Variants in POFUT3 observed in about 807,000 individuals in gnomAD.
POFUT3 encodes the protein GDP-fucose protein O-fucosyltransferase 3.
At chr8:33,311,059 T>C in the POFUT3 span, among the ~76,000 whole-genome samples, 1 of 152,334 alleles carries the variant, frequency 6.6e-6, no homozygotes, top group African/African-American at 2.4e-5. Context: ...GGAAAACATA[T>C]CCTTGATAAT....
the POFUT3 span, among the ~76,000 whole-genome samples, chr8:33,449,393 G>A: frequency 8.0e-5 from 11 of 136,954 alleles, no homozygotes; most frequent in South Asian, 4.9e-4. Flanking sequence ...AGGTTTAAGC[G>A]ATTCTTGTGC....
the POFUT3 span, among the ~76,000 whole-genome samples, chr8:33,309,683 C>T: frequency 2.1e-3 from 312 of 152,150 alleles, no homozygotes; most frequent in Middle Eastern, 0.017. Context: ...TGTTCCCAGG[C>T]GCTTAGTCAG....
the POFUT3 span, among the ~76,000 whole-genome samples, chr8:33,413,338 T>C: frequency 6.6e-6 from 1 of 151,976 alleles, no homozygotes; most frequent in African/African-American, 2.4e-5. Flanking sequence ...TCTCGGGCGC[T>C]CACTTGCTTG....
the POFUT3 span, among the ~76,000 whole-genome samples, chr8:33,441,786 C>T: frequency 2.6e-5 from 4 of 152,212 alleles, no homozygotes; most frequent in African/African-American, 9.6e-5. Flanking sequence ...TGGAGCTGCA[C>T]GCACATCTCA....
At chr8:33,450,362 T>G in the POFUT3 span, among the ~76,000 whole-genome samples, 1 of 152,234 alleles carries the variant, frequency 6.6e-6, no homozygotes, top group Non-Finnish European at 1.5e-5. Flanking sequence ...TACAGTTGGG[T>G]CATATCTTTT....
the POFUT3 span, among the ~76,000 whole-genome samples, chr8:33,332,249 C>T: frequency 6.7e-6 from 1 of 149,290 alleles, no homozygotes; most frequent in South Asian, 2.1e-4. Context: ...TTTGGGAGGC[C>T]GAGGCGGGCA....
the POFUT3 span, among the ~76,000 whole-genome samples, chr8:33,456,984 T>C: frequency 6.6e-6 from 1 of 152,014 alleles, no homozygotes; most frequent in Non-Finnish European, 1.5e-5. Flanking sequence ...CTGGCCAGGA[T>C]GGTCTCAATC....
At chr8:33,446,157 C>T in the POFUT3 span, among the ~76,000 whole-genome samples, 2 of 151,990 alleles carry the variant, frequency 1.3e-5, no homozygotes, top group Non-Finnish European at 2.9e-5. Context: ...CTGGGGAATG[C>T]AAAAAGATAC....
At chr8:33,463,341 C>T in the POFUT3 span, among the ~76,000 whole-genome samples, 2 of 151,986 alleles carry the variant, frequency 1.3e-5, no homozygotes, top group Non-Finnish European at 2.9e-5. Context: ...CCCGTCTCTA[C>T]TACAAATACA....
chr8:33,411,647 G>T, the POFUT3 span, among the ~76,000 whole-genome samples: 1 of 152,118 alleles, frequency 6.6e-6, no homozygotes, highest in African/African-American at 2.4e-5. Context: ...AATTAGCCAG[G>T]TGTGGGTGAC....
At chr8:33,372,583 C>T in the POFUT3 span, 1 of 1,613,262 alleles carries the variant, frequency 6.2e-7, no homozygotes, top group South Asian at 1.1e-5. Flanking sequence ...GAAATCAGTC[C>T]TTGAATACTA....
the POFUT3 span, among the ~76,000 whole-genome samples, chr8:33,404,199 G>A: frequency 7.9e-5 from 12 of 152,230 alleles, no homozygotes; most frequent in East Asian, 1.5e-3. Flanking sequence ...TTACTCAGGT[G>A]TGGTGGTGCA....
chr8:33,403,713 G>T, the POFUT3 span, among the ~76,000 whole-genome samples: 8 of 152,032 alleles, frequency 5.3e-5, no homozygotes, highest in Non-Finnish European at 1.2e-4. Context: ...GAGAGTGAGA[G>T]CCTGTCTTTT....
chr8:33,345,546 G>A, the POFUT3 span, among the ~76,000 whole-genome samples: 4 of 151,822 alleles, frequency 2.6e-5, no homozygotes, highest in South Asian at 4.2e-4. Context: ...GATTATAGGC[G>A]CCTGCCACCA....
chr8:33,448,077 C>G, the POFUT3 span, among the ~76,000 whole-genome samples: 2 of 152,156 alleles, frequency 1.3e-5, no homozygotes, highest in South Asian at 4.1e-4. Flanking sequence ...CAGTGGCTCA[C>G]ACCTGTAATC....
the POFUT3 span, among the ~76,000 whole-genome samples, chr8:33,381,371 A>G: frequency 2.6e-5 from 4 of 152,168 alleles, no homozygotes; most frequent in African/African-American, 4.8e-5. Flanking sequence ...CTAACTTAAA[A>G]AGAAATCCAA....
the POFUT3 span, among the ~76,000 whole-genome samples, chr8:33,323,864 T>A: frequency 6.6e-6 from 1 of 152,200 alleles, no homozygotes; most frequent in Non-Finnish European, 1.5e-5. Flanking sequence ...ATGGATAAGT[T>A]CTCACCCCTC....
chr8:33,444,539 C>T, the POFUT3 span, among the ~76,000 whole-genome samples: 2 of 151,986 alleles, frequency 1.3e-5, no homozygotes, highest in African/African-American at 4.8e-5. Context: ...TTATCTGGGC[C>T]GGGCGCAGTG....
chr8:33,415,306 AT>A, the POFUT3 span, among the ~76,000 whole-genome samples: 2 of 152,128 alleles, frequency 1.3e-5, no homozygotes, highest in Non-Finnish European at 2.9e-5. Flanking sequence ...ACAAGGACAA[AT>A]AATTAGAGAA....
Sources: gnomAD v4.1 joint callset for allele counts (sites outside exome capture counted in the v4.1 genomes callset) on GRCh38, gnomAD v4.1.1 for gene constraint, MANE v1.5 for transcripts, NCBI Gene and HGNC (gene_info 2026-07-23, HGNC 2026-07-21) for gene names.